Variants in ICA1 observed in about 807,000 individuals in gnomAD.
ICA1 encodes islet cell autoantigen 1.
In ICA1, 40 loss-of-function variants were observed where a neutral mutation model predicts 71.0. The ratio of observed to expected loss-of-function variants is 0.56; its 90% CI spans 0.44 to 0.73. The LOEUF (loss-of-function observed/expected upper bound fraction) is 0.73, where lower values mean the gene tolerates loss of function less well. ICA1 is among the 30% of genes least tolerant of loss of function. ICA1 has a pLI of 0.00. For missense variants in ICA1, 578 were observed against 576.5 expected, an observed-to-expected ratio of 1.00 and a Z score of -0.03; for synonymous variants, 207 against 209.5, an observed-to-expected ratio of 0.99 and a Z score of 0.10.
intron 6 of ICA1, among the ~76,000 whole-genome samples, chr7:8,197,889 G>A (rs749233933): frequency 6.6e-6 from 1 of 152,070 alleles, no homozygotes; most frequent in African/African-American, 2.4e-5. Flanking sequence ...CTGATGGTTT[G>A]GATACCTTTG....
chr7:8,131,286 T>C (rs1791348021), intron 12 of ICA1, among the ~76,000 whole-genome samples: 1 of 152,204 alleles, frequency 6.6e-6, no homozygotes, highest in South Asian at 2.1e-4. Flanking sequence ...AGTGTCCCCA[T>C]TACATGGATC....
intron 12 of ICA1, among the ~76,000 whole-genome samples, chr7:8,129,707 A>G (rs1584313356): frequency 1.3e-5 from 2 of 152,020 alleles, no homozygotes; most frequent in Admixed American, 6.6e-5. Context: ...TTTTTTTAAA[A>G]TTATTATTAT....
chr7:8,158,750 A>T (rs2302550), intron 6 of ICA1, 98 bp from the exon 7 acceptor site: 4 of 1,232,902 alleles, frequency 3.2e-6, no homozygotes, highest in Admixed American at 4.6e-5. Flanking sequence ...TCTCTTTCAC[A>T]TATGAAAAGA....
chr7:8,122,136 GGA>G (rs1379504304), intron 13 of ICA1, among the ~76,000 whole-genome samples: 1 of 152,140 alleles, frequency 6.6e-6, no homozygotes, highest in Non-Finnish European at 1.5e-5. Context: ...TAAGGAGAAG[GGA>G]GAGCATGTGC....
chr7:8,185,634 G>GTTA, intron 6 of ICA1, among the ~76,000 whole-genome samples: 1 of 152,332 alleles, frequency 6.6e-6, no homozygotes, highest in Middle Eastern at 3.4e-3. Flanking sequence ...GGAGTGAAAA[G>GTTA]GTTAAGAGCA....
intron 6 of ICA1, among the ~76,000 whole-genome samples, chr7:8,204,901 A>C (rs557675177): frequency 2.0e-5 from 3 of 152,284 alleles, no homozygotes; most frequent in African/African-American, 7.2e-5. Flanking sequence ...GAAAATGGGG[A>C]CATGCCAGGG....
At chr7:8,165,043 C>G (rs1805396084) in intron 6 of ICA1, among the ~76,000 whole-genome samples, 1 of 152,232 alleles carries the variant, frequency 6.6e-6, no homozygotes, top group East Asian at 1.9e-4. Context: ...TGCCACTGCA[C>G]TCCAGAAGCA....
rs542252571 is a variant in ICA1 at position 8,136,550 on chromosome 7, C to T, written c.1060+2290G>A. Among the ~76,000 whole-genome samples, 7 of 152,268 alleles carry T rather than the reference C, an allele frequency of 4.6e-5. No individual in the cohort carries two copies. In the South Asian group the frequency reaches 1.2e-3, roughly 27 times the overall value. On this transcript the variant is annotated intron_variant, in intron 12 of 13. Coordinates refer to ENST00000402384, the MANE Select transcript of ICA1 (RefSeq NM_001136020.3). ...CCGACCACGTTAATATTTAAGCCGA[C>T]GCTACCCTGTGGGTTGACAACATAG...
At chr7:8,193,446 G>A (rs752745694) in intron 6 of ICA1, among the ~76,000 whole-genome samples, 6 of 152,178 alleles carry the variant, frequency 3.9e-5, no homozygotes, top group African/African-American at 7.2e-5. Context: ...TGGAATGCAC[G>A]AAGAATAGTT....
intron 8 of ICA1, among the ~76,000 whole-genome samples, chr7:8,152,295 G>A (rs903935886): frequency 6.6e-6 from 1 of 152,034 alleles, no homozygotes; most frequent in Non-Finnish European, 1.5e-5. Flanking sequence ...GAAATGGAGA[G>A]TGAGAAAGTA....
At chr7:8,218,625 A>C (rs1372212072) in intron 5 of ICA1, 122 bp from the exon 6 acceptor site, 1 of 749,778 alleles carries the variant, frequency 1.3e-6, no homozygotes, top group East Asian at 2.6e-5. Flanking sequence ...AAGATGCTCC[A>C]TCAATATTTG....
chr7:8,197,760 G>A (rs1788202899), intron 6 of ICA1, among the ~76,000 whole-genome samples: 2 of 151,900 alleles, frequency 1.3e-5, no homozygotes, highest in Admixed American at 6.6e-5. Flanking sequence ...TTGGAAGCTG[G>A]AAAGTAGATA....
chr7:8,149,910 T>C (rs1416964409), intron 8 of ICA1, among the ~76,000 whole-genome samples: 3 of 152,248 alleles, frequency 2.0e-5, no homozygotes, highest in African/African-American at 7.2e-5. Flanking sequence ...TGATGTGTAC[T>C]GGCCACATAA....
rs369848348 is a variant in ICA1 at position 8,234,410 on chromosome 7, C to G, written c.17+1500G>C. Among the ~76,000 whole-genome samples the G allele has an allele frequency of 9.2e-5, 14 of 152,292 alleles. No individual in the cohort carries two copies. The East Asian group carries it at 9.7e-4, about 11-fold the overall frequency. On this transcript the variant is annotated intron_variant, in intron 2 of 13. Coordinates refer to ENST00000402384, the MANE Select transcript of ICA1 (RefSeq NM_001136020.3). This position sits in a 1 kb window ranked among gnomAD's most constrained non-coding sequence, Gnocchi z 4.5. The stretch of plus-strand genomic sequence containing the variant: ...TGCCCCAAAGGCTCCCCTGACCCCC[C>G]CAGGCAACTCTCCTCTGTGGAGATG...
chr7:8,119,061 C>T (rs1166724776), intron 13 of ICA1, among the ~76,000 whole-genome samples: 11 of 152,232 alleles, frequency 7.2e-5, no homozygotes, highest in Admixed American at 7.2e-4. Flanking sequence ...ATTAGAATCA[C>T]AGGATGCCTT....
intron 6 of ICA1, among the ~76,000 whole-genome samples, chr7:8,188,983 C>T (rs1007114187): frequency 1.3e-5 from 2 of 152,178 alleles, no homozygotes; most frequent in Non-Finnish European, 2.9e-5. Context: ...AGATTTGATA[C>T]CCTGGGAGAG....
intron 12 of ICA1, among the ~76,000 whole-genome samples, chr7:8,128,713 T>G (rs1039728252): frequency 2.6e-5 from 4 of 152,160 alleles, no homozygotes; most frequent in Admixed American, 6.5e-5. Context: ...CTCCATTGCA[T>G]GAAGCAAAGG....
At chr7:8,122,022 C>A (rs930787349) in intron 13 of ICA1, among the ~76,000 whole-genome samples, 2 of 152,122 alleles carry the variant, frequency 1.3e-5, no homozygotes, top group Non-Finnish European at 2.9e-5. Context: ...AGGGGGGACT[C>A]AAGGAAGGCT....
rs1791116688 is a variant in ICA1 at position 8,130,681 on chromosome 7, C to A, written c.1061-2539G>T. ...TTCTACAGTCGCTTTATACAGCCCTCCACTAAGTCAAACCCTCAGGGAGGC... is the reference window on the plus strand; with the variant it reads ...TTCTACAGTCGCTTTATACAGCCCTACACTAAGTCAAACCCTCAGGGAGGC... On this transcript the variant is annotated intron_variant, in intron 12 of 13. Coordinates refer to ENST00000402384, the MANE Select transcript of ICA1 (RefSeq NM_001136020.3). The surrounding 1 kb of genome is among the most constrained non-coding windows in gnomAD (Gnocchi z 4.2). Among the ~76,000 whole-genome samples the A allele has an allele frequency of 6.6e-6, 1 of 152,204 alleles. No homozygotes were observed. Among genetic ancestry groups the A allele is most frequent in the Non-Finnish European group, 1.5e-5 (1 of 68,036 alleles).
Sources: gnomAD v4.1 joint callset for allele counts (sites outside exome capture counted in the v4.1 genomes callset) on GRCh38, gnomAD v4.1.1 for gene constraint, Gnocchi (gnomAD v3.1) non-coding constraint, MANE v1.5 for transcripts, NCBI Gene and HGNC (gene_info 2026-07-23, HGNC 2026-07-21) for gene names.